The following PRICKLE2 variants were observed in gnomAD, a reference collection of about 807,000 sequenced individuals.
The protein encoded by PRICKLE2 is prickle planar cell polarity protein 2.
Under a neutral mutation model 81.4 loss-of-function variants are expected in PRICKLE2, and 21 were observed. The ratio of observed to expected loss-of-function variants is 0.26; its 90% CI spans 0.18 to 0.37. The LOEUF (loss-of-function observed/expected upper bound fraction) is 0.37. Ranked by LOEUF, PRICKLE2 falls within the 10% of genes least tolerant of loss-of-function variation. The probability of loss-of-function intolerance (pLI) is 1.00; values close to 1 mark genes in which losing one functional copy is unlikely to be tolerated. For synonymous variants in PRICKLE2, 456 were observed against 421.5 expected, an observed-to-expected ratio of 1.08 and a Z score of -1.00; for missense variants, 940 against 1,109.0, an observed-to-expected ratio of 0.85 and a Z score of 2.16.
At position 64,136,049 on chromosome 3, in the gene PRICKLE2, T is replaced by G. The variant is rs141917425; in HGVS notation, c.1660+10781A>C. On this transcript the variant is annotated intron_variant, in intron 7 of 7. Coordinates refer to ENST00000638394, the MANE Select transcript of PRICKLE2 (RefSeq NM_198859.4). ...CCTCTTTCCTATTTAATCCATACTA[T>G]GTAATTAAGATATGTATCATCCACA... 2.0e-5 allele frequency among the ~76,000 whole-genome samples: 3 copies of G among 152,318 alleles called. No individual in the cohort carries two copies. The East Asian group carries it at 5.8e-4, about 29-fold the overall frequency.
chr3:64,180,721 C>A (rs539199419), intron 2 of PRICKLE2, among the ~76,000 whole-genome samples: 1 of 152,004 alleles, frequency 6.6e-6, no homozygotes, highest in East Asian at 1.9e-4. Context: ...TTAGTAGAGA[C>A]GGGGTTTCAC....
rs184018481 is a variant in PRICKLE2, at chr3:64,249,133, G to T, written c.129-50166C>A. Among the ~76,000 whole-genome samples the T allele has an allele frequency of 9.2e-5, 14 of 152,246 alleles. No homozygotes were observed. In the East Asian group the frequency reaches 1.9e-3, roughly 21 times the overall value. On this transcript the variant is annotated intron_variant, in intron 2 of 8. Coordinates refer to the PRICKLE2 transcript ENST00000295902. ...AAGAAAAGAGGTTTAATTGGCTCTT[G>T]GTTCTGCAGGCTTAACAGGAAGCAC...
At chr3:64,238,549 G>T (rs1358552634) in intron 2 of PRICKLE2, among the ~76,000 whole-genome samples, 2 of 151,942 alleles carry the variant, frequency 1.3e-5, no homozygotes, top group African/African-American at 2.4e-5. Flanking sequence ...GTAGAATTAG[G>T]GCTAACATGT....
At chr3:64,175,549 A>T (rs1365621798) in intron 2 of PRICKLE2, among the ~76,000 whole-genome samples, 1 of 152,188 alleles carries the variant, frequency 6.6e-6, no homozygotes, top group Non-Finnish European at 1.5e-5. Context: ...ATTTCTTCAT[A>T]TGAAACTGAA....
At chr3:64,166,289 C>A (rs1286909759) in intron 2 of PRICKLE2, among the ~76,000 whole-genome samples, 1 of 152,060 alleles carries the variant, frequency 6.6e-6, no homozygotes, top group African/African-American at 2.4e-5. Context: ...AGAGAAGGAC[C>A]CTGATTACCC....
rs1396843756 is a variant in PRICKLE2, at chr3:64,098,243, G to A, written c.*808C>T. 6.6e-6 allele frequency: 1 copy of A among 152,290 alleles called. No individual in the cohort carries two copies. The highest frequency in any genetic ancestry group is 2.4e-5 in the African/African-American group (1 of 41,342). 9.4% of individuals were successfully genotyped at this position (152,290 alleles called of 1,614,324 possible). A position where few individuals can be genotyped will look rare whatever the true frequency, so the allele number is the denominator to read the frequency against. ...TCACAGAATTTTACTGACACCGGTT[G>A]GTTTCTCTAATTGGCAAAAATTACA... On this transcript the variant is annotated 3_prime_UTR_variant, in exon 8 of 8. Transcript: ENST00000638394.
In PRICKLE2 at chr3:64,251,280, G is replaced by A. The variant is rs112017313; in HGVS notation, c.129-52313C>T. 7.1e-3 allele frequency among the ~76,000 whole-genome samples: 1,085 copies of A among 152,242 alleles called. 12 individuals carry two copies. Among genetic ancestry groups the A allele is most frequent in the African/African-American group, 0.024 (1,001 of 41,530 alleles). Reference sequence around the variant, plus strand: ...CCGCTCCAGGTAGTCCCTGCTCCACGCAAACACAAAAGGATCACAGTCCAC... The same window carrying A: ...CCGCTCCAGGTAGTCCCTGCTCCACACAAACACAAAAGGATCACAGTCCAC... On this transcript the variant is annotated intron_variant, in intron 2 of 8. Transcript: ENST00000295902.
chr3:64,201,638 C>G lies in PRICKLE2; in HGVS notation c.-40-2671G>C, dbSNP rs183731421. ...GCTTTCTTCACATATTTTCTGGATA[C>G]AAGTCCTTTATCAGATATGTGATAG... is the stretch of plus-strand genomic sequence containing the variant. On this transcript the variant is annotated intron_variant, in intron 1 of 7. Coordinates refer to ENST00000638394, the MANE Select transcript of PRICKLE2 (RefSeq NM_198859.4). 7.2e-5 allele frequency among the ~76,000 whole-genome samples: 11 copies of G among 152,260 alleles called. No homozygotes were observed. The East Asian group carries it at 2.1e-3, about 29-fold the overall frequency.
intron 1 of PRICKLE2, among the ~76,000 whole-genome samples, chr3:64,204,934 T>C (rs1056108797): frequency 1.3e-5 from 2 of 152,154 alleles, no homozygotes; most frequent in Non-Finnish European, 2.9e-5. Flanking sequence ...TCTCCCCCTT[T>C]GGCAAAATGC....
chr3:64,140,807 G>A (rs1264154363), intron 7 of PRICKLE2, among the ~76,000 whole-genome samples: 1 of 152,126 alleles, frequency 6.6e-6, no homozygotes, highest in African/African-American at 2.4e-5. Context: ...TCACAGCTGT[G>A]CTCGCATGCT....
At chr3:64,192,836 A>G (rs1334494275) in intron 2 of PRICKLE2, among the ~76,000 whole-genome samples, 5 of 152,294 alleles carry the variant, frequency 3.3e-5, no homozygotes, top group South Asian at 2.1e-4. Context: ...AAAATTACTA[A>G]CCTTTGGAGA....
At chr3:64,219,647 A>C (rs1157446402) in intron 1 of PRICKLE2, among the ~76,000 whole-genome samples, 4 of 152,212 alleles carry the variant, frequency 2.6e-5, no homozygotes, top group African/African-American at 9.6e-5. Flanking sequence ...TTTACCAAAG[A>C]TCAACCAACG....
intron 2 of PRICKLE2, among the ~76,000 whole-genome samples, chr3:64,172,409 A>G (rs181602808): frequency 1.3e-5 from 2 of 152,350 alleles, no homozygotes; most frequent in East Asian, 3.9e-4. Context: ...GCAGTTTCTT[A>G]TAGGGGTAAC....
rs1575588679 is a variant in PRICKLE2, at chr3:64,146,712, C to T, written c.1660+118G>A. The stretch of plus-strand genomic sequence containing the variant: ...GAGCGGAGATCGTGCCACTGCACTC[C>T]AGCCTGGGGGACAGAGCGAGACTCC... On this transcript the variant is annotated intron_variant, in intron 7 of 7. Transcript: ENST00000638394. The T allele has an allele frequency of 7.7e-6, 9 of 1,174,864 alleles. No individual in the cohort carries two copies. In the African/African-American group the frequency reaches 9.2e-5, roughly 12 times the overall value. 72.8% of individuals were successfully genotyped at this position (1,174,864 alleles called of 1,614,324 possible). A position where few individuals can be genotyped will look rare whatever the true frequency, so the allele number is the denominator to read the frequency against.
At chr3:64,106,943 C>A (rs1161042154) in intron 7 of PRICKLE2, among the ~76,000 whole-genome samples, 1 of 152,186 alleles carries the variant, frequency 6.6e-6, no homozygotes, top group Non-Finnish European at 1.5e-5. Context: ...GATATCAGGT[C>A]ATTTCCCTCT....
At chr3:64,143,652 C>T (rs949204656) in intron 7 of PRICKLE2, among the ~76,000 whole-genome samples, 2 of 152,178 alleles carry the variant, frequency 1.3e-5, no homozygotes, top group African/African-American at 4.8e-5. Flanking sequence ...CAGAGATCTG[C>T]TTAACATGCA....
At chr3:64,247,875 T>C (rs1286215954) in intron 2 of PRICKLE2, among the ~76,000 whole-genome samples, 1 of 152,186 alleles carries the variant, frequency 6.6e-6, no homozygotes, top group Non-Finnish European at 1.5e-5. Flanking sequence ...TTGTAAAAAG[T>C]CATTTTGAGA....
At chr3:64,254,072 G>C (rs1361614225) in intron 2 of PRICKLE2, among the ~76,000 whole-genome samples, 1 of 152,146 alleles carries the variant, frequency 6.6e-6, no homozygotes, top group Non-Finnish European at 1.5e-5. Flanking sequence ...CCTTCCTCTT[G>C]CTTGGTGGTA....
intron 2 of PRICKLE2, among the ~76,000 whole-genome samples, chr3:64,238,770 G>A (rs2079219425): frequency 6.6e-6 from 1 of 152,136 alleles, no homozygotes; most frequent in African/African-American, 2.4e-5. Context: ...TGGGTTTTCT[G>A]AATTATATGA....
Sources: gnomAD v4.1 joint callset for allele counts (sites outside exome capture counted in the v4.1 genomes callset) on GRCh38, gnomAD v4.1.1 for gene constraint, MANE v1.5 for transcripts, NCBI Gene and HGNC (gene_info 2026-07-23, HGNC 2026-07-21) for gene names.